Variants in ITGA11 observed in about 807,000 individuals in gnomAD.
ITGA11 encodes integrin subunit alpha 11, also known as integrin alpha-11.
A neutral mutation model predicts 141.9 loss-of-function variants in ITGA11; 97 were observed. That is an observed-to-expected ratio of 0.68 (90% CI 0.58 to 0.81). The LOEUF (loss-of-function observed/expected upper bound fraction) is 0.81. ITGA11 is among the 30% of genes least tolerant of loss of function. ITGA11 has a pLI of 0.00. For missense variants in ITGA11, 1,387 were observed against 1,559.2 expected, an observed-to-expected ratio of 0.89 and a Z score of 1.86; for synonymous variants, 658 against 624.6, an observed-to-expected ratio of 1.05 and a Z score of -0.80.
rs571686654 is a variant in ITGA11, at chr15:68,305,790, G to A, written c.3381+1558C>T. ...CAGGGCCCTTATGTGTGCTCTTTCT[G>A]TCCCTCAAGGCGGGCACCTGGCTCT... On this transcript the variant is annotated intron_variant, in intron 28 of 29. Coordinates refer to ENST00000315757, the MANE Select transcript of ITGA11 (RefSeq NM_001004439.2). This position sits in a 1 kb window ranked among gnomAD's most constrained non-coding sequence, Gnocchi z 4.6. Among the ~76,000 whole-genome samples the A allele has an allele frequency of 6.6e-6, 1 of 152,184 alleles. No individual in the cohort carries two copies. The highest frequency in any genetic ancestry group is 1.5e-5 in the Non-Finnish European group (1 of 68,042).
chr15:68,311,308 C>A lies in ITGA11; in HGVS notation c.3069G>T (p.Arg1023Ser). ...TRSGNRLLKL[R>S]DFLTDEANTS... ...TCACCACCTCGTCCGTGAGGAAGTC[C>A]CTCAGCTTCAGTAGGCGGTTGCCGC... is the stretch of plus-strand genomic sequence containing the variant. The change falls in exon 25 of 30, where the codon AGG (arginine) becomes AGT (serine). Residue 1023 changes from arginine to serine, a missense_variant. Transcript: ENST00000315757. 6.4e-7 allele frequency: 1 copy of A among 1,572,386 alleles called. No homozygotes were observed. Among genetic ancestry groups the A allele is most frequent in the Non-Finnish European group, 8.6e-7 (1 of 1,157,668 alleles).
In ITGA11 at chr15:68,416,745, G is replaced by A. The variant is rs1396154736; in HGVS notation, c.53-13716C>T. On this transcript the variant is annotated intron_variant, in intron 1 of 29. Transcript: ENST00000315757. The stretch of plus-strand genomic sequence containing the variant: ...AGCCTGGGCAACATGGTGAAACCCC[G>A]TCTCTACTAAAATACAAAAAATTAG... Among the ~76,000 whole-genome samples, 6 of 151,952 alleles carry A rather than the reference G, an allele frequency of 3.9e-5. No individual in the cohort carries two copies. In the East Asian group the frequency reaches 5.8e-4, roughly 15 times the overall value.
chr15:68,379,980 G>A (rs1895818874), intron 2 of ITGA11, among the ~76,000 whole-genome samples: 1 of 152,172 alleles, frequency 6.6e-6, no homozygotes, highest in Non-Finnish European at 1.5e-5. Flanking sequence ...TCATAAATAG[G>A]ATGGTGACTC....
intron 7 of ITGA11, among the ~76,000 whole-genome samples, chr15:68,355,308 G>T (rs1895037091): frequency 6.6e-6 from 1 of 152,200 alleles, no homozygotes; most frequent in Non-Finnish European, 1.5e-5. Context: ...GCTCATTTAG[G>T]AAAAGCTTGA....
chr15:68,383,285 A>G (rs1319076718), intron 2 of ITGA11, among the ~76,000 whole-genome samples: 1 of 151,966 alleles, frequency 6.6e-6, no homozygotes, highest in African/African-American at 2.4e-5. Flanking sequence ...AAAAGAAAAA[A>G]AAAAAAAGAG....
chr15:68,349,808 T>C (rs1400320708), intron 9 of ITGA11, among the ~76,000 whole-genome samples: 8 of 152,140 alleles, frequency 5.3e-5, no homozygotes, highest in Non-Finnish European at 1.2e-4. Flanking sequence ...AAATAAAAAA[T>C]GCTTTTGGTG....
At chr15:68,410,100 C>A (rs1469782198) in intron 1 of ITGA11, among the ~76,000 whole-genome samples, 3 of 152,234 alleles carry the variant, frequency 2.0e-5, no homozygotes, top group African/African-American at 7.2e-5. Flanking sequence ...TGGAACACAG[C>A]AGACCTGGTA....
Position 68,326,696 on chromosome 15 carries a change from G to A in ITGA11, c.2169C>T (p.Ser723=), listed in dbSNP as rs917898674. 1.9e-6 allele frequency: 3 copies of A among 1,590,058 alleles called. No homozygotes were observed. The highest frequency in any genetic ancestry group is 1.7e-6 in the Non-Finnish European group (2 of 1,168,376). ...DRFTNRAVLL[S]SGQELCERIN... is the part of the protein sequence containing the mutation. ...TCCGCTCACAGAGCTCCTGGCCGGA[G>A]GAGAGCAGTACGGCTCTGTTGGTGA... The change falls in exon 17 of 30, where the codon TCC becomes TCT. Residue 723 remains serine (S), a synonymous_variant. Coordinates refer to ENST00000315757, the MANE Select transcript of ITGA11 (RefSeq NM_001004439.2). This position sits in a 1 kb window ranked among gnomAD's most constrained non-coding sequence, Gnocchi z 6.8.
At chr15:68,397,690 AAAT>A (rs539366601) in intron 2 of ITGA11, among the ~76,000 whole-genome samples, 810 of 80,896 alleles carry the variant, frequency 0.01, 30 homozygotes, top group Admixed American at 0.013. Context: ...ATTATATTTA[AAAT>A]ATTATATTTA....
chr15:68,397,717 A>T, intron 2 of ITGA11, among the ~76,000 whole-genome samples: 1 of 59,328 alleles, frequency 1.7e-5, no homozygotes, highest in African/African-American at 8.0e-5. Context: ...TATTATATTT[A>T]AAATATTATA....
At chr15:68,372,669 T>C (rs1403519525) in intron 2 of ITGA11, among the ~76,000 whole-genome samples, 4 of 152,152 alleles carry the variant, frequency 2.6e-5, no homozygotes, top group African/African-American at 9.6e-5. Flanking sequence ...GAGACTGCAC[T>C]CTGGAAGGCC....
intron 15 of ITGA11, among the ~76,000 whole-genome samples, chr15:68,330,481 A>G (rs1368051533): frequency 7.0e-6 from 1 of 141,982 alleles, no homozygotes; most frequent in Non-Finnish European, 1.5e-5. Flanking sequence ...AAAAATACTC[A>G]AGGTCTTTTT....
chr15:68,331,916 T>G lies in ITGA11; in HGVS notation c.1713A>C (p.Ala571=). Residue 571 remains alanine, a synonymous_variant, in exon 14 of 30, where the codon GCA becomes GCC. Coordinates refer to ENST00000315757, the MANE Select transcript of ITGA11 (RefSeq NM_001004439.2). ...VVGAPLEDNH[A]GAIYIFHGFR... ...AGCCGTGGAAGATGTAGATGGCTCC[T>G]GCGTGGTTGTCCTCCAGGGGGGCTC... is the stretch of plus-strand genomic sequence containing the variant. 1 of 1,613,470 alleles carries G rather than the reference T, an allele frequency of 6.2e-7. No individual in the cohort carries two copies.
chr15:68,402,443 C>T (rs544190356), intron 2 of ITGA11, among the ~76,000 whole-genome samples: 1 of 152,210 alleles, frequency 6.6e-6, no homozygotes, highest in East Asian at 1.9e-4. Context: ...CTTTCTTCCT[C>T]CTGATTGCCC....
rs1370437923 is a variant in ITGA11, at chr15:68,322,346, G to A, written c.2323-843C>T. Among the ~76,000 whole-genome samples, 1 of 152,118 alleles carries A rather than the reference G, an allele frequency of 6.6e-6. No individual in the cohort carries two copies. The highest frequency in any genetic ancestry group is 1.5e-5 in the Non-Finnish European group (1 of 68,022). On this transcript the variant is annotated intron_variant, in intron 18 of 29. Transcript: ENST00000315757. The surrounding 1 kb of genome is among the most constrained non-coding windows in gnomAD (Gnocchi z 5.6). Reference sequence around the variant, plus strand: ...TGGGAGAATGGAGTGAGAAGATGGAGGCTCGAGGCAGGGAGACCATTGAGG... The same window carrying A: ...TGGGAGAATGGAGTGAGAAGATGGAAGCTCGAGGCAGGGAGACCATTGAGG...
chr15:68,365,150 G>T lies in ITGA11; in HGVS notation c.266-352C>A, dbSNP rs1895378142. 3 of 985,376 alleles carry T rather than the reference G, an allele frequency of 3.0e-6. No individual in the cohort carries two copies. In the South Asian group the frequency reaches 1.4e-4, roughly 46 times the overall value. 61.0% of individuals were successfully genotyped at this position (985,376 alleles called of 1,614,324 possible). A position where few individuals can be genotyped will look rare whatever the true frequency, so the allele number is the denominator to read the frequency against. ...AAGCATGCCATGGCATCCCACCTGG[G>T]CTGGCTTCCTTTGTGCAGTATCCCC... On this transcript the variant is annotated intron_variant, in intron 3 of 29. Transcript: ENST00000315757.
At chr15:68,395,761 T>C (rs1476148121) in intron 2 of ITGA11, among the ~76,000 whole-genome samples, 1 of 135,928 alleles carries the variant, frequency 7.4e-6, no homozygotes, top group East Asian at 2.3e-4. Context: ...ACAGGAGAAA[T>C]ACCTAATGTA....
chr15:68,419,029 A>C (rs959886363), intron 1 of ITGA11, among the ~76,000 whole-genome samples: 2 of 152,086 alleles, frequency 1.3e-5, no homozygotes, highest in Non-Finnish European at 2.9e-5. Flanking sequence ...AACTAAAAAA[A>C]GGAATTGTGG....
chr15:68,378,702 A>C (rs1318320684), intron 2 of ITGA11, among the ~76,000 whole-genome samples: 3 of 152,192 alleles, frequency 2.0e-5, no homozygotes, highest in Admixed American at 2.0e-4. Context: ...AATAAATAAA[A>C]GGCCTCCACA....
Sources: allele counts gnomAD v4.1 joint callset (sites outside exome capture counted in the v4.1 genomes callset), GRCh38; gene constraint gnomAD v4.1.1; non-coding constraint Gnocchi (gnomAD v3.1); transcripts MANE v1.5; gene names NCBI Gene and HGNC (gene_info 2026-07-23, HGNC 2026-07-21).